GRIP1: variants seen among roughly 807,000 people sequenced by gnomAD.
GRIP1 encodes glutamate receptor interacting protein 1, also known as glutamate receptor-interacting protein 1.
A neutral mutation model predicts 129.9 loss-of-function variants in GRIP1; 45 were observed. The observed-to-expected ratio is 0.35, with a 90% CI of 0.27 to 0.44. The LOEUF (loss-of-function observed/expected upper bound fraction) is 0.44. Ranked by LOEUF, GRIP1 falls within the 20% of genes least tolerant of loss-of-function variation. The pLI, the probability that GRIP1 is intolerant of heterozygous loss-of-function variation, is 1.00. For synonymous variants in GRIP1, 530 were observed against 520.8 expected, an observed-to-expected ratio of 1.02 and a Z score of -0.24; for missense variants, 1,196 against 1,396.8, an observed-to-expected ratio of 0.86 and a Z score of 2.29.
intron 1 of GRIP1, chr12:67,069,024 CT>C: frequency 1.1e-6 from 1 of 949,222 alleles, no homozygotes; most frequent in Non-Finnish European, 1.3e-6. Context: ...CCTGCCCTCC[CT>C]CCCCGGCCCC....
At chr12:66,503,751 A>G (rs944283440) in intron 7 of GRIP1, among the ~76,000 whole-genome samples, 1 of 152,134 alleles carries the variant, frequency 6.6e-6, no homozygotes, top group Non-Finnish European at 1.5e-5. Context: ...GGTGAACAGG[A>G]GGCTGCAGGC....
intron 1 of GRIP1, among the ~76,000 whole-genome samples, chr12:66,634,409 T>C (rs1592679348): frequency 2.6e-5 from 4 of 152,332 alleles, no homozygotes; most frequent in South Asian, 4.1e-4. Flanking sequence ...CTTGCTTTTA[T>C]AGCTTTCTCT....
At chr12:66,960,894 C>T (rs1033950850) in intron 1 of GRIP1, among the ~76,000 whole-genome samples, 2 of 152,102 alleles carry the variant, frequency 1.3e-5, no homozygotes, top group Non-Finnish European at 2.9e-5. Context: ...CTTCCTCCCT[C>T]CTCCTTCCCT....
intron 1 of GRIP1, among the ~76,000 whole-genome samples, chr12:66,930,379 A>G (rs1198872575): frequency 2.0e-5 from 3 of 149,608 alleles, no homozygotes; most frequent in African/African-American, 7.4e-5. Context: ...TTCTTGCGAT[A>G]GTTTACTGAG....
intron 1 of GRIP1, among the ~76,000 whole-genome samples, chr12:67,025,849 TA>T (rs1345503254): frequency 6.6e-6 from 1 of 152,232 alleles, no homozygotes; most frequent in East Asian, 1.9e-4. Context: ...AATTATTAAC[TA>T]ACTTTTAATT....
chr12:67,064,698 C>T lies in GRIP1; in HGVS notation c.58+4352G>A, dbSNP rs146274428. Among the ~76,000 whole-genome samples, 282 of 152,222 alleles carry T rather than the reference C, an allele frequency of 1.9e-3. 2 individuals carry two copies. Among genetic ancestry groups the T allele is most frequent in the African/African-American group, 6.0e-3 (250 of 41,544 alleles). The stretch of plus-strand genomic sequence containing the variant: ...TGGGTGATTTGGGAAATGAAACAGG[C>T]CAAGTTTGTAGTAAAGGTCTACTCC... On this transcript the variant is annotated intron_variant, in intron 1 of 1. Coordinates refer to the GRIP1 transcript ENST00000643019.
chr12:66,597,720 A>G (rs2064111296), intron 1 of GRIP1, among the ~76,000 whole-genome samples: 1 of 152,188 alleles, frequency 6.6e-6, no homozygotes. Flanking sequence ...TGACAAGATC[A>G]TGGAGACAAT....
At chr12:66,929,650 C>T (rs1328401748) in intron 1 of GRIP1, among the ~76,000 whole-genome samples, 1 of 152,180 alleles carries the variant, frequency 6.6e-6, no homozygotes, top group African/African-American at 2.4e-5. Flanking sequence ...TATTTGCCTG[C>T]TCAAGTATTA....
intron 11 of GRIP1, among the ~76,000 whole-genome samples, chr12:66,445,837 TG>T (rs760462139): frequency 6.6e-6 from 1 of 152,104 alleles, no homozygotes; most frequent in Non-Finnish European, 1.5e-5. Context: ...TGGGGAACCT[TG>T]GGGTAGGCCA....
intron 1 of GRIP1, among the ~76,000 whole-genome samples, chr12:66,989,305 T>G (rs1283261463): frequency 6.6e-6 from 1 of 152,252 alleles, no homozygotes; most frequent in Non-Finnish European, 1.5e-5. Context: ...CTACTCTGGG[T>G]AGCCAATTGC....
rs571899307 is a variant in GRIP1 at position 66,432,471 on chromosome 12, T to C, written c.1768+77A>G. On this transcript the variant is annotated intron_variant, in intron 14 of 24. Transcript: ENST00000359742. The stretch of plus-strand genomic sequence containing the variant: ...TTCGCAAAGACATATAAAACATTTG[T>C]TACACCTGCAAACCATTTGACAACA... 7 of 863,054 alleles carry C rather than the reference T, an allele frequency of 8.1e-6. No individual in the cohort carries two copies. In the East Asian group the frequency reaches 1.0e-4, roughly 13 times the overall value. 53.5% of individuals were successfully genotyped at this position (863,054 alleles called of 1,614,324 possible). A position where few individuals can be genotyped will look rare whatever the true frequency, so the allele number is the denominator to read the frequency against.
intron 1 of GRIP1, among the ~76,000 whole-genome samples, chr12:67,029,669 G>A (rs2042992797): frequency 2.0e-5 from 3 of 150,550 alleles, no homozygotes; most frequent in Admixed American, 2.0e-4. Context: ...TCTTGGCAAC[G>A]ATATAACATT....
intron 1 of GRIP1, among the ~76,000 whole-genome samples, chr12:66,722,426 G>A (rs951939381): frequency 6.6e-6 from 1 of 152,130 alleles, no homozygotes; most frequent in South Asian, 2.1e-4. Flanking sequence ...GATTAGGTTT[G>A]CTGTCTTCTA....
At chr12:67,047,948 A>T (rs2043280434) in intron 1 of GRIP1, among the ~76,000 whole-genome samples, 1 of 152,186 alleles carries the variant, frequency 6.6e-6, no homozygotes, top group Non-Finnish European at 1.5e-5. Flanking sequence ...ACATAAGTAA[A>T]AAACAGTTAT....
At chr12:66,362,872 G>A (rs1433530297) in intron 23 of GRIP1, among the ~76,000 whole-genome samples, 3 of 151,624 alleles carry the variant, frequency 2.0e-5, no homozygotes, top group Non-Finnish European at 2.9e-5. Context: ...TGCTTCTCTC[G>A]CTCAGAGCTC....
intron 7 of GRIP1, among the ~76,000 whole-genome samples, chr12:66,471,118 C>A (rs1473795690): frequency 6.6e-6 from 1 of 152,158 alleles, no homozygotes; most frequent in Non-Finnish European, 1.5e-5. Flanking sequence ...GGCAGAGCAG[C>A]AAGAAGGGTG....
chr12:66,514,623 C>T (rs145800876), intron 7 of GRIP1, among the ~76,000 whole-genome samples: 53 of 152,144 alleles, frequency 3.5e-4, no homozygotes, highest in African/African-American at 1.2e-3. Context: ...CATTTGTGAA[C>T]TTTCCATGTC....
At chr12:66,459,076 A>G (rs1468303371) in intron 9 of GRIP1, among the ~76,000 whole-genome samples, 3 of 152,230 alleles carry the variant, frequency 2.0e-5, no homozygotes, top group African/African-American at 7.2e-5. Context: ...TAGAATGTGA[A>G]TTCTATAAGA....
At chr12:66,561,441 C>A (rs2062524083) in intron 2 of GRIP1, among the ~76,000 whole-genome samples, 1 of 151,336 alleles carries the variant, frequency 6.6e-6, no homozygotes, top group African/African-American at 2.4e-5. Context: ...CTCATGTACC[C>A]CATAAATATA....
Sources: gnomAD v4.1 joint callset for allele counts (sites outside exome capture counted in the v4.1 genomes callset) on GRCh38, gnomAD v4.1.1 for gene constraint, MANE v1.5 for transcripts, NCBI Gene and HGNC (gene_info 2026-07-23, HGNC 2026-07-21) for gene names.